Variants in HARS1 observed in about 807,000 individuals in gnomAD.
The protein encoded by HARS1 is histidyl-tRNA synthetase 1.
In HARS1, 45 loss-of-function variants were observed where a neutral mutation model predicts 63.6. The ratio of observed to expected loss-of-function variants is 0.71; its 90% confidence interval spans 0.56 to 0.91. HARS1 has a LOEUF of 0.91. HARS1 is among the 40% of genes least tolerant of loss of function. The pLI is 0.00. For synonymous variants in HARS1, 205 were observed against 247.1 expected (o/e 0.83, Z 1.60); for missense variants, 508 against 643.2 (o/e 0.79, Z 2.27).
chr5:140,689,414 T>C (rs1759232590), intron 2 of HARS1, among the ~76,000 whole-genome samples: 1 of 149,410 alleles, frequency 6.7e-6, no homozygotes, highest in African/African-American at 2.6e-5. Context: ...ATAGTTGCTA[T>C]ACTATATTTT....
At chr5:140,677,185 C>A in intron 8 of HARS1, 69 bp from the exon 9 acceptor site, 2 of 1,567,742 alleles carry the variant, frequency 1.3e-6, no homozygotes, top group South Asian at 2.2e-5. Context: ...GACCTTCTTG[C>A]CTGGACTCTA....
At chr5:140,680,035 G>A (rs1395740785) in intron 3 of HARS1, 152 bp from the exon 4 acceptor site, 1 of 441,808 alleles carries the variant, frequency 2.3e-6, no homozygotes, top group African/African-American at 2.0e-5. Flanking sequence ...ATCATTAAAA[G>A]GAAACACCAA....
intron 2 of HARS1, among the ~76,000 whole-genome samples, chr5:140,685,705 G>A (rs1758984205): frequency 1.4e-5 from 2 of 139,708 alleles, no homozygotes; most frequent in Admixed American, 7.2e-5. Flanking sequence ...TGGTGACAGA[G>A]TGAGACTCTG....
chr5:140,690,465 A>C lies in HARS1; in HGVS notation c.180+390T>G, dbSNP rs554836804. 7.3e-3 allele frequency among the ~76,000 whole-genome samples: 1,111 copies of C among 151,238 alleles called. 9 individuals are homozygous for C. Among genetic ancestry groups the C allele is most frequent in the Non-Finnish European group, 0.011 (768 of 67,666 alleles). On this transcript the variant is annotated intron_variant, in intron 2 of 12. Coordinates refer to ENST00000504156, the MANE Select transcript of HARS1 (RefSeq NM_002109.6). The stretch of plus-strand genomic sequence containing the variant: ...ACTCTGTTTAAAAAAAAAACAAAAA[A>C]ATCTGTGTGGGATTATTTGTTCTAA...
rs760999692 is a variant in HARS1 at position 140,691,333 on chromosome 5, T to C, written c.-29A>G. On this transcript the variant is annotated 5_prime_UTR_variant, in exon 1 of 13. Transcript: ENST00000504156. Reference sequence around the variant, plus strand: ...GGCTGTCCACTTGAGCCGCCTGCTGTCTCGACCTGCGGTGGTTGCCCCAGC... The same window carrying C: ...GGCTGTCCACTTGAGCCGCCTGCTGCCTCGACCTGCGGTGGTTGCCCCAGC... The C allele has an allele frequency of 3.2e-6, 5 of 1,554,066 alleles. No individual in the cohort carries two copies. The African/African-American group carries it at 5.4e-5, about 17-fold the overall frequency.
At chr5:140,681,002 T>G (rs1401060068) in intron 3 of HARS1, among the ~76,000 whole-genome samples, 1 of 152,042 alleles carries the variant, frequency 6.6e-6, no homozygotes. Flanking sequence ...TCGAATAATG[T>G]CAAAAGTAAA....
Position 140,674,075 on chromosome 5 carries a change from G to C in HARS1, c.*182C>G. The C allele has an allele frequency of 1.5e-6, 1 of 673,258 alleles. No individual in the cohort carries two copies. Among genetic ancestry groups the C allele is most frequent in the Admixed American group, 2.2e-5 (1 of 46,498 alleles). The allele number at this position is 673,258 out of a possible 1,614,324, so 41.7% of individuals were successfully genotyped here. On this transcript the variant is annotated 3_prime_UTR_variant, in exon 13 of 13. Transcript: ENST00000504156. ...CTTGTATGAAAAAGGTGTTGTACCT[G>C]GCCGTTTTTGCCAGTAATAATCAAT...
rs114970855 is a variant in HARS1, at chr5:140,688,717, A to G, written c.180+2138T>C. Among the ~76,000 whole-genome samples, 1,192 of 152,146 alleles carry G rather than the reference A, an allele frequency of 7.8e-3. 7 individuals are homozygous for G. Among genetic ancestry groups the G allele is most frequent in the African/African-American group, 0.027 (1,126 of 41,530 alleles). Reference sequence around the variant, plus strand: ...CCAACTTTTTTTTTTTATTTTAAAAAGGTCATTTATTAACTGAGGAAATTG... The same window carrying G: ...CCAACTTTTTTTTTTTATTTTAAAAGGGTCATTTATTAACTGAGGAAATTG... On this transcript the variant is annotated intron_variant, in intron 2 of 12. Coordinates refer to ENST00000504156, the MANE Select transcript of HARS1 (RefSeq NM_002109.6).
rs1472576595 is a variant in HARS1, at chr5:140,676,972, T to C, written c.951+17A>G. 1 of 1,614,180 alleles carries C rather than the reference T, an allele frequency of 6.2e-7. No homozygotes were observed. On this transcript the variant is annotated intron_variant, in intron 9 of 12. Transcript: ENST00000504156. The surrounding 1 kb of genome is among the most constrained non-coding windows in gnomAD (Gnocchi z 4.1). ...GCCCCAGAGCTCAGAAGGGATCCCGTCCCCAACTTGACTCACTTTGTCATC... is the reference window on the plus strand; with the variant it reads ...GCCCCAGAGCTCAGAAGGGATCCCGCCCCCAACTTGACTCACTTTGTCATC...
Position 140,674,886 on chromosome 5 carries a change from G to A in HARS1, c.1312-61C>T. On this transcript the variant is annotated intron_variant, in intron 11 of 12. Transcript: ENST00000504156. Reference sequence around the variant, plus strand: ...TCTGCTGTCCTCAGGGACAGAGGGTGTCCAAGCTGGCACCCTGTTCTTAGC... The same window carrying A: ...TCTGCTGTCCTCAGGGACAGAGGGTATCCAAGCTGGCACCCTGTTCTTAGC... 3 of 1,587,486 alleles carry A rather than the reference G, an allele frequency of 1.9e-6. No homozygotes were observed. In the Admixed American group the frequency reaches 5.0e-5, roughly 27 times the overall value.
chr5:140,674,980 C>A (rs1235797516), intron 11 of HARS1, 37 bp downstream of exon 11: 2 of 1,494,726 alleles, frequency 1.3e-6, no homozygotes, highest in Non-Finnish European at 1.9e-6. Flanking sequence ...TCCAGCACAC[C>A]TAAGTTTGCT....
chr5:140,677,582 C>G (rs919870941), intron 7 of HARS1, 73 bp downstream of exon 7: 6 of 1,163,214 alleles, frequency 5.2e-6, no homozygotes, highest in Non-Finnish European at 7.8e-6. Context: ...ACCTCTCTCT[C>G]TCTCAATCTT....
At chr5:140,683,267 A>G in intron 2 of HARS1, 48 bp from the exon 3 acceptor site, 2 of 1,594,234 alleles carry the variant, frequency 1.3e-6, no homozygotes, top group Non-Finnish European at 1.7e-6. Flanking sequence ...TTTGAAAACC[A>G]AGAACAATAT....
Position 140,674,780 on chromosome 5 carries a change from G to GT in HARS1, c.1356dup (p.Gln453ThrfsTer4). On this transcript the variant is annotated frameshift_variant, in exon 12 of 13. Transcript: ENST00000504156. LOFTEE classifies it high-confidence loss of function. ...GGGATGCCTGCCTCCTCACAGTACT[G>GT]TAACTGGTTCAGTAGCTTTGGGTTC... 1 of 1,614,148 alleles carries GT rather than the reference G, an allele frequency of 6.2e-7. No individual in the cohort carries two copies. Among genetic ancestry groups the GT allele is most frequent in the Non-Finnish European group, 8.5e-7 (1 of 1,180,012 alleles).
intron 7 of HARS1, 78 bp downstream of exon 7, chr5:140,677,573 CCTCT>C (rs1361293269): frequency 3.6e-6 from 4 of 1,102,660 alleles, no homozygotes; most frequent in African/African-American, 1.5e-5. Flanking sequence ...GAGGCATGCA[CCTCT>C]CTCTCTCTCA....
rs566904232 is a variant in HARS1, at chr5:140,680,918, A to G, written c.301-1035T>C. On this transcript the variant is annotated intron_variant, in intron 3 of 12. Transcript: ENST00000504156. ...GCTCTTTTTTTTTTTAAAAAAAAGT[A>G]TTTTTCTTGATGATAAACTACTAGG... Among the ~76,000 whole-genome samples the G allele has an allele frequency of 4.0e-5, 6 of 150,510 alleles. No individual in the cohort carries two copies. The South Asian group carries it at 1.3e-3, about 32-fold the overall frequency.
intron 2 of HARS1, among the ~76,000 whole-genome samples, chr5:140,690,085 C>T (rs751637605): frequency 5.3e-5 from 8 of 152,256 alleles, no homozygotes; most frequent in Middle Eastern, 3.4e-3. Flanking sequence ...TCTCAGACTC[C>T]CCAGTTCTCC....
intron 2 of HARS1, chr5:140,683,463 T>C (rs1758838279): frequency 8.4e-7 from 1 of 1,193,344 alleles, no homozygotes. Context: ...CTAAAATTCT[T>C]AGAACTCTTT....
Position 140,677,007 on chromosome 5 carries a change from T to C in HARS1, c.933A>G (p.Leu311=), listed in dbSNP as rs762443953. ...DLKLLFEYLT[L]FGIDDKISFD... ...GACTCACTTTGTCATCAATGCCAAA[T>C]AGGGTCAGGTACTCAAAGAGCAACT... The change falls in exon 9 of 13, where the codon CTA becomes CTG. Residue 311 remains leucine, a synonymous_variant. Transcript: ENST00000504156. 14 of 1,614,058 alleles carry C rather than the reference T, an allele frequency of 8.7e-6. No individual in the cohort carries two copies. In the Admixed American group the frequency reaches 2.3e-4, roughly 27 times the overall value.
Sources: allele counts gnomAD v4.1 joint callset (sites outside exome capture counted in the v4.1 genomes callset), GRCh38; gene constraint gnomAD v4.1.1; non-coding constraint Gnocchi (gnomAD v3.1); transcripts MANE v1.5; gene names NCBI Gene and HGNC (gene_info 2026-07-23, HGNC 2026-07-21).